The following BLK variants were observed in gnomAD, a reference collection of about 807,000 sequenced individuals.
The protein encoded by BLK is BLK proto-oncogene, Src family tyrosine kinase, also known as tyrosine-protein kinase Blk.
In BLK, 64 loss-of-function variants were observed where a neutral mutation model predicts 61.8. The ratio of observed to expected loss-of-function variants is 1.03; its 90% CI spans 0.85 to 1.27. BLK has a LOEUF of 1.27. Among genes scored for constraint, BLK ranks in the 50% most tolerant of loss-of-function variants. The pLI is 0.00. For missense variants in BLK, 853 were observed against 660.5 expected, an observed-to-expected ratio of 1.29 and a Z score of -3.19; for synonymous variants, 351 against 272.0, an observed-to-expected ratio of 1.29 and a Z score of -2.86.
chr8:11,519,253 G>A (rs565503350), intron 1 of BLK, among the ~76,000 whole-genome samples: 1 of 152,294 alleles, frequency 6.6e-6, no homozygotes, highest in South Asian at 2.1e-4. Flanking sequence ...GGTGCTAGAG[G>A]ACCTCGCTAC....
intron 1 of BLK, among the ~76,000 whole-genome samples, chr8:11,506,112 G>A (rs967407891): frequency 1.3e-5 from 2 of 152,196 alleles, no homozygotes; most frequent in South Asian, 4.1e-4. Flanking sequence ...GTTCCCCACC[G>A]CACACCTGGA....
intron 1 of BLK, among the ~76,000 whole-genome samples, chr8:11,533,885 G>A (rs1013481115): frequency 6.6e-6 from 1 of 152,264 alleles, no homozygotes; most frequent in African/African-American, 2.4e-5. Context: ...GAGACAAGAG[G>A]ATCACTGGCA....
chr8:11,556,256 A>C (rs1801216687), intron 8 of BLK: 1 of 310,106 alleles, frequency 3.2e-6, no homozygotes. Flanking sequence ...GAAGGAGGGA[A>C]GGAGACCCCC....
intron 10 of BLK, among the ~76,000 whole-genome samples, chr8:11,559,630 C>T (rs1249700524): frequency 2.0e-5 from 3 of 152,158 alleles, no homozygotes; most frequent in Non-Finnish European, 4.4e-5. Flanking sequence ...CTCGCCAGAC[C>T]TTTCTTCCAA....
chr8:11,535,214 A>G (rs1800063021), intron 1 of BLK, among the ~76,000 whole-genome samples: 1 of 115,476 alleles, frequency 8.7e-6, no homozygotes, highest in African/African-American at 3.1e-5. Context: ...AAAGAAAGAA[A>G]GAGAGAGAAA....
At chr8:11,525,216 G>C (rs917603830) in intron 1 of BLK, among the ~76,000 whole-genome samples, 1 of 152,158 alleles carries the variant, frequency 6.6e-6, no homozygotes, top group East Asian at 1.9e-4. Context: ...GTAATTGCTT[G>C]TCTGTTTTTA....
chr8:11,555,535 G>T, intron 8 of BLK, 51 bp downstream of exon 8: 2 of 1,611,450 alleles, frequency 1.2e-6, no homozygotes, highest in Non-Finnish European at 1.7e-6. Context: ...CACCTGCGCC[G>T]CATCCTGAGT....
chr8:11,499,802 G>A (rs893351747), intron 1 of BLK, among the ~76,000 whole-genome samples: 3 of 152,112 alleles, frequency 2.0e-5, no homozygotes, highest in East Asian at 1.9e-4. Context: ...CTAACCACTA[G>A]CAGTTTGGTG....
intron 1 of BLK, among the ~76,000 whole-genome samples, chr8:11,532,171 C>G (rs1233960453): frequency 1.1e-5 from 1 of 91,608 alleles, no homozygotes; most frequent in Non-Finnish European, 2.5e-5. Flanking sequence ...GTTTTTTTTT[C>G]CTTTTATAAA....
chr8:11,499,604 G>A (rs1378566696), intron 1 of BLK, among the ~76,000 whole-genome samples: 3 of 152,276 alleles, frequency 2.0e-5, no homozygotes, highest in East Asian at 1.9e-4. Context: ...CTGAGATGAC[G>A]TTAAGCTGTT....
At chr8:11,555,895 T>C (rs1801191453) in intron 8 of BLK, 2 of 334,226 alleles carry the variant, frequency 6.0e-6, no homozygotes, top group Admixed American at 3.9e-5. Context: ...CGTGGGACTT[T>C]GGCCAAGTCA....
chr8:11,558,084 G>A (rs773759043), intron 10 of BLK, 46 bp downstream of exon 10: 10 of 1,591,734 alleles, frequency 6.3e-6, no homozygotes, highest in Admixed American at 1.7e-5. Context: ...TGTGCCACCT[G>A]CTGCCCACAA....
At chr8:11,539,398 A>C (rs1410505006) in intron 1 of BLK, among the ~76,000 whole-genome samples, 1 of 151,844 alleles carries the variant, frequency 6.6e-6, no homozygotes, top group Non-Finnish European at 1.5e-5. Flanking sequence ...TTTATTCAAC[A>C]AGTCTTCAAT....
chr8:11,558,765 C>CT (rs1168170101), intron 10 of BLK: 1 of 456,222 alleles, frequency 2.2e-6, no homozygotes, highest in African/African-American at 2.0e-5. Context: ...AACTGGAACT[C>CT]TCAGCAGAAA....
intron 6 of BLK, among the ~76,000 whole-genome samples, chr8:11,551,343 A>G (rs949050244): frequency 6.6e-6 from 1 of 152,024 alleles, no homozygotes; most frequent in Non-Finnish European, 1.5e-5. Context: ...TGGCTTGCCG[A>G]TGGCCGTCTT....
chr8:11,528,242 G>T (rs56018504), intron 1 of BLK, among the ~76,000 whole-genome samples: 1 of 152,052 alleles, frequency 6.6e-6, no homozygotes, highest in Non-Finnish European at 1.5e-5. Context: ...TTGCTGTGTT[G>T]TCCAGGCTGG....
At chr8:11,504,180 G>A (rs1007241904) in intron 1 of BLK, among the ~76,000 whole-genome samples, 1 of 152,100 alleles carries the variant, frequency 6.6e-6, no homozygotes, top group African/African-American at 2.4e-5. Context: ...AAATTAGCTG[G>A]GTGTGGTGGT....
intron 1 of BLK, among the ~76,000 whole-genome samples, chr8:11,522,249 A>C (rs1799482328): frequency 6.6e-6 from 1 of 152,226 alleles, no homozygotes; most frequent in Non-Finnish European, 1.5e-5. Flanking sequence ...ATACAGAGGC[A>C]AAGAATCCAT....
chr8:11,564,170 A>T lies in BLK; in HGVS notation c.*62A>T. ...CGCGGACGACCCCGACTTCCGTGCC[A>T]TCCCAGACGGGCCGCGAAGGCGGGG... On this transcript the variant is annotated 3_prime_UTR_variant, in exon 13 of 13. Coordinates refer to ENST00000259089, the MANE Select transcript of BLK (RefSeq NM_001715.3). 1 of 1,516,782 alleles carries T rather than the reference A, an allele frequency of 6.6e-7. No homozygotes were observed. The highest frequency in any genetic ancestry group is 1.2e-5 in the South Asian group (1 of 83,522). The allele number at this position is 1,516,782 out of a possible 1,614,324, so 94.0% of individuals were successfully genotyped here.
Sources: gnomAD v4.1 joint callset for allele counts (sites outside exome capture counted in the v4.1 genomes callset) on GRCh38, gnomAD v4.1.1 for gene constraint, MANE v1.5 for transcripts, NCBI Gene and HGNC (gene_info 2026-07-23, HGNC 2026-07-21) for gene names.